EYA3: variants seen among roughly 807,000 people sequenced by gnomAD.
EYA3 encodes protein phosphatase EYA3.
EYA3 carries 39 observed loss-of-function variants against 80.0 expected under a neutral mutation model. The observed-to-expected ratio is 0.49, with a 90% CI of 0.38 to 0.64. The LOEUF is 0.64. EYA3 is among the 30% of genes least tolerant of loss of function. The pLI is 0.00. For synonymous variants in EYA3, 206 were observed against 232.8 expected, an observed-to-expected ratio of 0.88 and a Z score of 1.05; for missense variants, 523 against 676.1, an observed-to-expected ratio of 0.77 and a Z score of 2.51.
chr1:27,996,136 G>T (rs139533006), intron 13 of EYA3, among the ~76,000 whole-genome samples: 192 of 152,348 alleles, frequency 1.3e-3, no homozygotes, highest in African/African-American at 4.4e-3. Flanking sequence ...GCCTCCTGAA[G>T]TGCTGGGATT....
At position 28,017,218 on chromosome 1, in the gene EYA3, A is replaced by G; in HGVS notation, c.521T>C (p.Leu174Pro). Residue 174 changes from leucine (L) to proline (P), a missense_variant, in exon 8 of 18, where the codon CTG (leucine) becomes CCG (proline). Transcript: ENST00000373871. ...GGCAATTGTAGAAGAAGTAGATATC[A>G]GGCTGGCATTTGTGCTTGAAGCTAG... is the stretch of plus-strand genomic sequence containing the variant. ...PIQASSTNAS[L>P]ISTSSTIANI... 6.2e-7 allele frequency: 1 copy of G among 1,613,920 alleles called. No homozygotes were observed. The highest frequency in any genetic ancestry group is 8.5e-7 in the Non-Finnish European group (1 of 1,179,798).
At chr1:27,977,420 A>G (rs960963390) in intron 17 of EYA3, 2 of 1,545,804 alleles carry the variant, frequency 1.3e-6, no homozygotes, top group Non-Finnish European at 1.7e-6. Flanking sequence ...ATAGGGAGGG[A>G]AAGAACTTCT....
At chr1:28,024,222 G>C (rs1049919508) in intron 7 of EYA3, among the ~76,000 whole-genome samples, 1 of 152,096 alleles carries the variant, frequency 6.6e-6, no homozygotes, top group African/African-American at 2.4e-5. Context: ...CTGGGTGACA[G>C]AGCAAGACTC....
At chr1:28,063,563 G>A (rs1364746157) in intron 1 of EYA3, among the ~76,000 whole-genome samples, 1 of 151,812 alleles carries the variant, frequency 6.6e-6, no homozygotes, top group Non-Finnish European at 1.5e-5. Context: ...GGCCAGGATG[G>A]TCCCAGACTC....
At chr1:28,001,858 G>T (rs1315459237) in intron 11 of EYA3, among the ~76,000 whole-genome samples, 2 of 150,622 alleles carry the variant, frequency 1.3e-5, no homozygotes, top group Non-Finnish European at 1.5e-5. Flanking sequence ...AGCCTCCCTA[G>T]TAGCTGGGAT....
Position 27,978,395 on chromosome 1 carries a change from A to G in EYA3, c.1620T>C (p.Asp540=). 6.2e-7 allele frequency: 1 copy of G among 1,614,000 alleles called. No homozygotes were observed. Among genetic ancestry groups the G allele is most frequent in the South Asian group, 1.1e-5 (1 of 91,064 alleles). The change falls in exon 17 of 18, where the codon GAT becomes GAC. Residue 540 remains aspartate, a synonymous_variant. Transcript: ENST00000373871. ...VTYVVIGDGR[D]EEIAAKQHNM... ...TTACCTGTTTGGCTGCAATTTCTTC[A>G]TCTCGTCCATCTCCAATCACTACAT...
intron 7 of EYA3, among the ~76,000 whole-genome samples, chr1:28,022,573 T>C (rs931778973): frequency 6.6e-6 from 1 of 152,194 alleles, no homozygotes; most frequent in African/African-American, 2.4e-5. Context: ...TCAACACAGA[T>C]ACAGATTACG....
At chr1:28,049,092 T>C (rs1023719686) in intron 2 of EYA3, among the ~76,000 whole-genome samples, 7 of 152,196 alleles carry the variant, frequency 4.6e-5, no homozygotes, top group Non-Finnish European at 1.0e-4. Flanking sequence ...ATGTCTAATA[T>C]GCTTAGCCAT....
Position 28,050,392 on chromosome 1 carries a change from G to A in EYA3, c.34-1966C>T, listed in dbSNP as rs76369126. Among the ~76,000 whole-genome samples the A allele has an allele frequency of 3.5e-3, 527 of 151,756 alleles. 2 individuals carry two copies. The highest frequency in any genetic ancestry group is 0.012 in the African/African-American group (497 of 41,354). On this transcript the variant is annotated intron_variant, in intron 2 of 17. Transcript: ENST00000373871. ...ATTTTTTCTATTTTTAGGAGAGACC[G>A]GGTTTCACCACATTGGCCAGGATGG...
chr1:27,995,997 C>T (rs534605459), intron 13 of EYA3, among the ~76,000 whole-genome samples: 1 of 152,146 alleles, frequency 6.6e-6, no homozygotes, highest in Admixed American at 6.5e-5. Context: ...CTCAGCCTCC[C>T]AAGTAGCTGG....
intron 17 of EYA3, among the ~76,000 whole-genome samples, chr1:27,975,854 T>C (rs902526944): frequency 2.0e-5 from 3 of 152,152 alleles, no homozygotes; most frequent in African/African-American, 7.2e-5. Flanking sequence ...TTGCCCAGGC[T>C]GGGGTGCAGT....
intron 16 of EYA3, among the ~76,000 whole-genome samples, chr1:27,981,060 C>CA (rs908205960): frequency 7.9e-5 from 12 of 151,878 alleles, no homozygotes; most frequent in South Asian, 4.1e-4. Flanking sequence ...CCCCCCAAAA[C>CA]AAAAAAAACT....
chr1:28,063,625 G>A (rs1399170194), intron 1 of EYA3, among the ~76,000 whole-genome samples: 3 of 152,094 alleles, frequency 2.0e-5, no homozygotes, highest in Non-Finnish European at 2.9e-5. Flanking sequence ...TGGGATTACA[G>A]GTGTGAGCCA....
At chr1:28,072,369 T>TTC (rs1250759955) in intron 1 of EYA3, among the ~76,000 whole-genome samples, 23 of 152,152 alleles carry the variant, frequency 1.5e-4, no homozygotes, top group Non-Finnish European at 2.4e-4. Context: ...ATGAGCTGCA[T>TTC]TCAGAGGAGA....
chr1:28,042,563 G>A lies in EYA3; in HGVS notation c.157+8C>T. ...TCTGTTCAATCATGCACAGAATATG[G>A]TACTTACTTTCCTCTGACATGGGAA... On this transcript the variant is annotated splice_region_variant and intron_variant, in intron 4 of 17. Coordinates refer to ENST00000373871, the MANE Select transcript of EYA3 (RefSeq NM_001990.4). The A allele has an allele frequency of 6.2e-7, 1 of 1,610,546 alleles. No individual in the cohort carries two copies. Among genetic ancestry groups the A allele is most frequent in the Non-Finnish European group, 8.5e-7 (1 of 1,176,782 alleles).
chr1:28,055,047 A>G (rs903915234), intron 2 of EYA3, among the ~76,000 whole-genome samples: 1 of 152,182 alleles, frequency 6.6e-6, no homozygotes, highest in Non-Finnish European at 1.5e-5. Context: ...ACCTGGAGCT[A>G]TTATATATTT....
At chr1:28,000,943 C>A (rs947976264) in intron 11 of EYA3, among the ~76,000 whole-genome samples, 1 of 151,942 alleles carries the variant, frequency 6.6e-6, no homozygotes, top group African/African-American at 2.4e-5. Context: ...TGCACACCTG[C>A]AGTCCCAGGT....
At chr1:27,998,393 A>AAT in intron 12 of EYA3, 2 of 792,902 alleles carry the variant, frequency 2.5e-6, no homozygotes, top group Non-Finnish European at 3.1e-6. Flanking sequence ...AATTATTGGC[A>AAT]TGTAGTAGGT....
chr1:28,017,053 T>A, intron 8 of EYA3, 101 bp downstream of exon 8: 1 of 989,106 alleles, frequency 1.0e-6, no homozygotes, highest in Non-Finnish European at 1.6e-6. Flanking sequence ...CAGCCCATAC[T>A]ATTCCTGGTT....
Sources: gnomAD v4.1 joint callset for allele counts (sites outside exome capture counted in the v4.1 genomes callset) on GRCh38, gnomAD v4.1.1 for gene constraint, MANE v1.5 for transcripts, NCBI Gene and HGNC (gene_info 2026-07-23, HGNC 2026-07-21) for gene names.